Variants in CSMD1 observed in about 807,000 individuals in gnomAD.
CSMD1 encodes the protein CUB and sushi domain-containing protein 1.
CSMD1 carries 213 observed loss-of-function variants against 417.5 expected under a neutral mutation model. The ratio of observed to expected loss-of-function variants is 0.51; its 90% confidence interval spans 0.46 to 0.57. The LOEUF is 0.57. Among genes scored for constraint, CSMD1 ranks in the 20% least tolerant of loss-of-function variants. The pLI, the probability that CSMD1 is intolerant of heterozygous loss-of-function variation, is 0.00. For missense variants in CSMD1, 6,923 were observed against 4,529.7 expected, an observed-to-expected ratio of 1.53 and a Z score of -15.17; for synonymous variants, 2,862 against 1,736.8, an observed-to-expected ratio of 1.65 and a Z score of -16.11.
chr8:3,017,709 T>C (rs951748682), intron 52 of CSMD1, among the ~76,000 whole-genome samples: 1 of 151,630 alleles, frequency 6.6e-6, no homozygotes, highest in Non-Finnish European at 1.5e-5. Context: ...GGTTTTGCTA[T>C]TTGAAGTTTA....
chr8:3,405,434 T>C (rs1007730030), intron 15 of CSMD1, among the ~76,000 whole-genome samples: 1 of 152,196 alleles, frequency 6.6e-6, no homozygotes, highest in Non-Finnish European at 1.5e-5. Flanking sequence ...GTGGTATTTA[T>C]GTCGGCTGTA....
intron 12 of CSMD1, among the ~76,000 whole-genome samples, chr8:3,415,350 T>G (rs1338610334): frequency 6.6e-6 from 1 of 152,202 alleles, no homozygotes; most frequent in Non-Finnish European, 1.5e-5. Flanking sequence ...CCCTTGAACT[T>G]ATTTACATGT....
intron 3 of CSMD1, among the ~76,000 whole-genome samples, chr8:4,373,804 C>T (rs575222720): frequency 6.6e-6 from 1 of 152,132 alleles, no homozygotes; most frequent in African/African-American, 2.4e-5. Flanking sequence ...TTGTTATAGT[C>T]GTCAAAGCCT....
At chr8:4,365,634 C>T (rs1009141933) in intron 3 of CSMD1, among the ~76,000 whole-genome samples, 8 of 152,190 alleles carry the variant, frequency 5.3e-5, no homozygotes, top group African/African-American at 1.7e-4. Flanking sequence ...TGAACACTAA[C>T]GGTGAATTTT....
chr8:3,129,752 G>T (rs1409610939), intron 41 of CSMD1, among the ~76,000 whole-genome samples: 3 of 152,064 alleles, frequency 2.0e-5, no homozygotes, highest in Non-Finnish European at 4.4e-5. Flanking sequence ...ACTTTGGGAG[G>T]CTGAGGCAGG....
intron 26 of CSMD1, among the ~76,000 whole-genome samples, chr8:3,267,780 C>T (rs955500615): frequency 5.9e-5 from 9 of 152,048 alleles, no homozygotes; most frequent in African/African-American, 1.4e-4. Flanking sequence ...GGGAGTGGAG[C>T]GGGGAGACCA....
intron 6 of CSMD1, among the ~76,000 whole-genome samples, chr8:3,712,793 C>G (rs1400749483): frequency 6.6e-6 from 1 of 152,078 alleles, no homozygotes; most frequent in Admixed American, 6.6e-5. Context: ...AAGGTGATTC[C>G]TTAGTAATTC....
chr8:4,294,619 T>C (rs1401675039), intron 3 of CSMD1, among the ~76,000 whole-genome samples: 1 of 152,118 alleles, frequency 6.6e-6, no homozygotes, highest in Non-Finnish European at 1.5e-5. Flanking sequence ...ACCCTGAACA[T>C]TCCAGAACAA....
chr8:4,067,395 C>A (rs1388848148), intron 3 of CSMD1, among the ~76,000 whole-genome samples: 1 of 152,128 alleles, frequency 6.6e-6, no homozygotes, highest in Non-Finnish European at 1.5e-5. Context: ...GGTAGAAAAA[C>A]AGTATTTCCT....
Position 4,503,363 on chromosome 8 carries a change from C to G in CSMD1, c.303-83298G>C, listed in dbSNP as rs17415655. Among the ~76,000 whole-genome samples, 1,512 of 152,240 alleles carry G rather than the reference C, an allele frequency of 9.9e-3. 10 individuals are homozygous for G. The highest frequency in any genetic ancestry group is 0.033 in the South Asian group (157 of 4,824). On this transcript the variant is annotated intron_variant, in intron 2 of 69. Coordinates refer to ENST00000635120, the MANE Select transcript of CSMD1 (RefSeq NM_033225.6). Reference sequence around the variant, plus strand: ...ATTTAACATTTTTTATGCCTACCATCATACTCAACTTTTGCTCAACTGTTT... The same window carrying G: ...ATTTAACATTTTTTATGCCTACCATGATACTCAACTTTTGCTCAACTGTTT...
At chr8:4,399,791 A>T (rs1804526358) in intron 3 of CSMD1, among the ~76,000 whole-genome samples, 1 of 152,222 alleles carries the variant, frequency 6.6e-6, no homozygotes, top group African/African-American at 2.4e-5. Flanking sequence ...TTTCTAAAAG[A>T]TGCATCTGCT....
intron 7 of CSMD1, among the ~76,000 whole-genome samples, chr8:3,660,204 C>T (rs1265203216): frequency 1.3e-5 from 2 of 152,050 alleles, no homozygotes; most frequent in African/African-American, 4.8e-5. Context: ...TTTGGGAGCC[C>T]GCAATTATCT....
intron 37 of CSMD1, among the ~76,000 whole-genome samples, chr8:3,173,412 G>A (rs1820705900): frequency 6.6e-6 from 1 of 152,152 alleles, no homozygotes; most frequent in African/African-American, 2.4e-5. Flanking sequence ...AGAGAGACAT[G>A]AATAATCTTT....
chr8:3,697,872 T>C (rs73183397), intron 7 of CSMD1, among the ~76,000 whole-genome samples: 230 of 152,298 alleles, frequency 1.5e-3, no homozygotes, highest in Non-Finnish European at 1.8e-3. Context: ...GGTAAAAGAA[T>C]GTGCTCTCTA....
chr8:4,264,522 G>C (rs76301681), intron 3 of CSMD1, among the ~76,000 whole-genome samples: 2 of 152,122 alleles, frequency 1.3e-5, no homozygotes, highest in African/African-American at 4.8e-5. Context: ...CTGAAGCTGA[G>C]AAGCTCCGTT....
intron 1 of CSMD1, among the ~76,000 whole-genome samples, chr8:4,823,358 A>T (rs1173162413): frequency 6.6e-6 from 1 of 151,998 alleles, no homozygotes; most frequent in Non-Finnish European, 1.5e-5. Context: ...TTACAATTAC[A>T]CTCTACAAGT....
At chr8:4,263,881 C>G (rs1306377124) in intron 3 of CSMD1, among the ~76,000 whole-genome samples, 6 of 152,144 alleles carry the variant, frequency 3.9e-5, no homozygotes, top group Non-Finnish European at 8.8e-5. Context: ...CCAGAATGCT[C>G]AGAACAATTA....
intron 1 of CSMD1, among the ~76,000 whole-genome samples, chr8:4,851,537 T>A (rs977996926): frequency 6.6e-6 from 1 of 152,118 alleles, no homozygotes; most frequent in African/African-American, 2.4e-5. Context: ...AGGGTTGAGG[T>A]AGTCTACCCC....
chr8:4,744,723 T>C (rs1810841675), intron 1 of CSMD1, among the ~76,000 whole-genome samples: 1 of 152,200 alleles, frequency 6.6e-6, no homozygotes, highest in South Asian at 2.1e-4. Context: ...CATGGTTTAA[T>C]GATAATTATA....
Sources: gnomAD v4.1 joint callset for allele counts (sites outside exome capture counted in the v4.1 genomes callset) on GRCh38, gnomAD v4.1.1 for gene constraint, MANE v1.5 for transcripts, NCBI Gene and HGNC (gene_info 2026-07-23, HGNC 2026-07-21) for gene names.